The following TENM2 variants were observed in gnomAD, a reference collection of about 807,000 sequenced individuals.
The protein encoded by TENM2 is teneurin transmembrane protein 2, also known as teneurin-2.
Under a neutral mutation model 245.2 loss-of-function variants are expected in TENM2, and 52 were observed. The ratio of observed to expected loss-of-function variants is 0.21; its 90% CI spans 0.17 to 0.27. TENM2 has a LOEUF of 0.27. TENM2 is among the 10% of genes least tolerant of loss of function. The pLI is 1.00. For missense variants in TENM2, 3,046 were observed against 3,666.8 expected (o/e 0.83, Z 4.37); for synonymous variants, 1,363 against 1,438.9 (o/e 0.95, Z 1.19).
At chr5:167,216,751 C>T in the TENM2 span, among the ~76,000 whole-genome samples, 1 of 152,044 alleles carries the variant, frequency 6.6e-6, no homozygotes, top group African/African-American at 2.4e-5. Context: ...CATGGTGAAA[C>T]CCCTGTCCCT....
intron 5 of TENM2, among the ~76,000 whole-genome samples, chr5:168,022,715 A>G (rs1239401578): frequency 6.6e-6 from 1 of 152,246 alleles, no homozygotes; most frequent in African/African-American, 2.4e-5. Context: ...GCTTAGTTAT[A>G]CAAAAGCATG....
intron 2 of TENM2, among the ~76,000 whole-genome samples, chr5:167,556,310 A>G (rs1773255064): frequency 1.3e-5 from 2 of 152,064 alleles, no homozygotes; most frequent in African/African-American, 4.8e-5. Context: ...ACTTAATTCA[A>G]TGGTAGCCTG....
At chr5:167,632,563 T>A (rs1305054852) in intron 2 of TENM2, among the ~76,000 whole-genome samples, 1 of 152,104 alleles carries the variant, frequency 6.6e-6, no homozygotes, top group Non-Finnish European at 1.5e-5. Context: ...AGCGATTAAG[T>A]TTTTTACCCG....
chr5:168,154,279 C>T (rs148679026), intron 12 of TENM2, among the ~76,000 whole-genome samples: 1 of 151,890 alleles, frequency 6.6e-6, no homozygotes, highest in East Asian at 1.9e-4. Flanking sequence ...GTGGTGCGAT[C>T]TTGGCTCACT....
intron 2 of TENM2, among the ~76,000 whole-genome samples, chr5:167,504,680 TTTG>T (rs1769427149): frequency 6.6e-6 from 1 of 152,190 alleles, no homozygotes; most frequent in Admixed American, 6.5e-5. Flanking sequence ...TTCACTGAAC[TTTG>T]TTATGTCCCT....
chr5:167,017,915 A>G, the TENM2 span, among the ~76,000 whole-genome samples: 9 of 152,192 alleles, frequency 5.9e-5, no homozygotes, highest in Non-Finnish European at 1.3e-4. Context: ...AAACAAGTCA[A>G]TGAAATAAAT....
intron 2 of TENM2, among the ~76,000 whole-genome samples, chr5:167,737,925 T>C (rs1760913059): frequency 6.6e-6 from 1 of 152,328 alleles, no homozygotes; most frequent in African/African-American, 2.4e-5. Flanking sequence ...GACAGTTCTA[T>C]AGGGCACTGA....
intron 2 of TENM2, among the ~76,000 whole-genome samples, chr5:167,690,507 G>A (rs1473621285): frequency 1.3e-5 from 2 of 152,116 alleles, no homozygotes; most frequent in Non-Finnish European, 2.9e-5. Flanking sequence ...TTCACATCCT[G>A]AAAAGGGCAC....
At chr5:167,747,390 A>G (rs1382507642) in intron 2 of TENM2, among the ~76,000 whole-genome samples, 1 of 152,198 alleles carries the variant, frequency 6.6e-6, no homozygotes, top group Non-Finnish European at 1.5e-5. Context: ...GTAACCTCAT[A>G]TATCAATTCT....
At chr5:167,199,116 A>G in the TENM2 span, among the ~76,000 whole-genome samples, 4 of 151,664 alleles carry the variant, frequency 2.6e-5, no homozygotes, top group South Asian at 2.1e-4. Context: ...AAAAAAAAAA[A>G]AAAAGAAATC....
At chr5:167,747,844 G>A (rs960047933) in intron 2 of TENM2, among the ~76,000 whole-genome samples, 14 of 152,016 alleles carry the variant, frequency 9.2e-5, no homozygotes, top group African/African-American at 3.4e-4. Flanking sequence ...TCTTATCTCT[G>A]TTTTTATTAC....
chr5:167,095,278 C>T, the TENM2 span, among the ~76,000 whole-genome samples: 858 of 152,238 alleles, frequency 5.6e-3, 3 homozygotes, highest in Non-Finnish European at 7.3e-3. Flanking sequence ...AATCATGACC[C>T]GCTTTGCAGA....
intron 4 of TENM2, among the ~76,000 whole-genome samples, chr5:167,956,605 G>A (rs1421852260): frequency 1.3e-5 from 2 of 151,938 alleles, no homozygotes; most frequent in African/African-American, 2.4e-5. Flanking sequence ...ATTGGCTGTG[G>A]GTCTGTCATA....
intron 3 of TENM2, among the ~76,000 whole-genome samples, chr5:167,944,508 T>G (rs1030989007): frequency 1.5e-4 from 23 of 151,994 alleles, no homozygotes; most frequent in African/African-American, 5.3e-4. Flanking sequence ...TGCTAGGCAG[T>G]GTGCCCCGTT....
chr5:167,480,846 G>A (rs1189136866), intron 2 of TENM2, among the ~76,000 whole-genome samples: 2 of 152,168 alleles, frequency 1.3e-5, no homozygotes, highest in Non-Finnish European at 2.9e-5. Context: ...TGAAATTTGA[G>A]TAGGCTTGGT....
chr5:168,218,831 G>A lies in TENM2; in HGVS notation c.4940G>A (p.Arg1647His), dbSNP rs544255596. Residue 1647 changes from arginine (R) to histidine (H), a missense_variant, in exon 23 of 29, where the codon CGT (arginine) becomes CAT (histidine). By Grantham distance (29) the Arg-to-His change is conservative. Transcript: ENST00000518659. The surrounding 1 kb of genome is among the most constrained non-coding windows in gnomAD (Gnocchi z 5.2). ...CGTCGGGACAGCAGTGGCATGCCCC[G>A]TCACCTGCTCATGCCTGACAACCAG... 3.1e-5 allele frequency: 50 copies of A among 1,613,970 alleles called. 1 individual carries two copies. The highest frequency in any genetic ancestry group is 3.3e-4 in the Middle Eastern group (2 of 6,062).
rs1363455239 is a variant in TENM2, at chr5:167,445,335, A to AGG, written c.502+69862_502+69863insGG. ...ATTATATATATATATATATATATAT[A>AGG]TAGAGAGAGAGAGAGAGAGAGAGAG... On this transcript the variant is annotated intron_variant, in intron 2 of 28. Coordinates refer to ENST00000518659, the Ensembl canonical transcript of TENM2. 5.5e-3 allele frequency among the ~76,000 whole-genome samples: 324 copies of AGG among 58,924 alleles called. 2 individuals are homozygous for AGG. Among genetic ancestry groups the AGG allele is most frequent in the African/African-American group, 0.015 (137 of 9,186 alleles). 38.7% of individuals were successfully genotyped at this position (58,924 alleles called of 152,430 possible).
At chr5:167,301,747 G>T (rs901992327) in intron 1 of TENM2, among the ~76,000 whole-genome samples, 2 of 152,112 alleles carry the variant, frequency 1.3e-5, no homozygotes, top group Admixed American at 6.5e-5. Flanking sequence ...GAGCCTAAAC[G>T]CTATCTGATT....
the TENM2 span, among the ~76,000 whole-genome samples, chr5:167,207,338 A>G: frequency 2.0e-5 from 3 of 152,254 alleles, no homozygotes; most frequent in Admixed American, 6.5e-5. Flanking sequence ...ACGCATGAGT[A>G]TAGTCACTGA....
Sources: allele counts gnomAD v4.1 joint callset (sites outside exome capture counted in the v4.1 genomes callset), GRCh38; gene constraint gnomAD v4.1.1; non-coding constraint Gnocchi (gnomAD v3.1); transcripts MANE v1.5; gene names NCBI Gene and HGNC (gene_info 2026-07-23, HGNC 2026-07-21).